OCA2: variants seen among roughly 807,000 people sequenced by gnomAD.
OCA2 encodes the protein OCA2 melanosomal transmembrane protein, also known as P protein.
In OCA2, 77 loss-of-function variants were observed where a neutral mutation model predicts 100.2. That is an observed-to-expected ratio of 0.77 (90% CI 0.64 to 0.93). The LOEUF is 0.93. Among genes scored for constraint, OCA2 ranks in the 40% least tolerant of loss-of-function variants. The pLI, the probability that OCA2 is intolerant of heterozygous loss-of-function variation, is 0.00. For missense variants in OCA2, 1,062 were observed against 1,089.1 expected, an observed-to-expected ratio of 0.98 and a Z score of 0.35; for synonymous variants, 432 against 439.2, an observed-to-expected ratio of 0.98 and a Z score of 0.21.
At chr15:28,058,499 C>T (rs117798038) in intron 2 of OCA2, among the ~76,000 whole-genome samples, 14,817 of 145,092 alleles carry the variant, frequency 0.1, 876 homozygotes, top group African/African-American at 0.19. Flanking sequence ...GCTCAGGCCC[C>T]ACCACCCACC....
At chr15:27,982,877 T>C (rs936855037) in intron 14 of OCA2, among the ~76,000 whole-genome samples, 1 of 152,324 alleles carries the variant, frequency 6.6e-6, no homozygotes, top group Middle Eastern at 3.4e-3. Context: ...ACAAAGAAAT[T>C]ATACCCTAAT....
chr15:27,964,360 A>G (rs941380730), intron 15 of OCA2, among the ~76,000 whole-genome samples: 1 of 152,210 alleles, frequency 6.6e-6, no homozygotes, highest in Non-Finnish European at 1.5e-5. Context: ...ACATTTGGTG[A>G]TCAGAGGGAT....
Position 27,972,859 on chromosome 15 carries a change from TTTTATTTTATTTTATTTTA to T in OCA2, c.1504-6056_1504-6038del, listed in dbSNP as rs1567177234. On this transcript the variant is annotated intron_variant, in intron 14 of 23. Transcript: ENST00000354638. ...TTTTATTTTATTTTATTTTATTTTA[TTTTATTTTATTTTATTTTA>T]TTTTTGTGACAGAGTCTCTCTTTCT... Among the ~76,000 whole-genome samples the T allele has an allele frequency of 1.2e-3, 164 of 131,412 alleles. 6 individuals are homozygous for T. Among genetic ancestry groups the T allele is most frequent in the South Asian group, 3.4e-3 (15 of 4,424 alleles). 86.2% of individuals were successfully genotyped at this position (131,412 alleles called of 152,430 possible). A position where few individuals can be genotyped will look rare whatever the true frequency, so the allele number is the denominator to read the frequency against.
chr15:27,772,536 T>C (rs766498827), intron 23 of OCA2, among the ~76,000 whole-genome samples: 12 of 152,192 alleles, frequency 7.9e-5, no homozygotes, highest in Non-Finnish European at 1.6e-4. Flanking sequence ...AAAAGGCCTA[T>C]TTTCCATAGA....
rs2030293039 is a variant in OCA2 at position 27,755,613 on chromosome 15, A to C, written c.2433-141T>G. 1.4e-5 allele frequency: 10 copies of C among 710,928 alleles called. No individual in the cohort carries two copies. In the South Asian group the frequency reaches 1.5e-4, roughly 11 times the overall value. 44.0% of individuals were successfully genotyped at this position (710,928 alleles called of 1,614,324 possible). ...CTACCTTTTATTTCCATAAATCAGG[A>C]AGTTAGTTTTAGACTAAATTATGTG... On this transcript the variant is annotated intron_variant, in intron 23 of 23. Coordinates refer to ENST00000354638, the MANE Select transcript of OCA2 (RefSeq NM_000275.3).
intron 23 of OCA2, among the ~76,000 whole-genome samples, chr15:27,767,033 G>T (rs549031028): frequency 6.6e-6 from 1 of 151,938 alleles, no homozygotes; most frequent in Admixed American, 6.5e-5. Flanking sequence ...CCCAAATACC[G>T]GCCTCTGGAG....
chr15:28,042,846 CTT>C (rs1273394524), intron 2 of OCA2, among the ~76,000 whole-genome samples: 7 of 151,970 alleles, frequency 4.6e-5, no homozygotes, highest in African/African-American at 1.7e-4. Context: ...AGTTTTTTCA[CTT>C]TCTCTCTCTG....
At chr15:27,724,080 A>G in the OCA2 span, among the ~76,000 whole-genome samples, 1 of 152,160 alleles carries the variant, frequency 6.6e-6, no homozygotes, top group Non-Finnish European at 1.5e-5. Flanking sequence ...TGCAGCTGGA[A>G]TCACAGGCAG....
chr15:27,823,820 C>T (rs1469710825), intron 23 of OCA2, among the ~76,000 whole-genome samples: 2 of 152,140 alleles, frequency 1.3e-5, no homozygotes. Context: ...GCAATGTTGA[C>T]TTATTTTCTA....
At chr15:27,990,702 C>A in intron 9 of OCA2, 55 bp from the exon 10 acceptor site, 1 of 1,489,232 alleles carries the variant, frequency 6.7e-7, no homozygotes, top group Non-Finnish European at 9.4e-7. Context: ...AGTTAGCACA[C>A]ACGAAAGCCT....
intron 19 of OCA2, among the ~76,000 whole-genome samples, chr15:27,885,856 G>A (rs1048311512): frequency 2.6e-5 from 4 of 152,280 alleles, no homozygotes; most frequent in Middle Eastern, 3.4e-3. Flanking sequence ...CTTATATTCT[G>A]GTGAAGGGAG....
intron 15 of OCA2, among the ~76,000 whole-genome samples, chr15:27,960,129 C>A (rs1196525439): frequency 6.6e-6 from 1 of 152,194 alleles, no homozygotes; most frequent in Non-Finnish European, 1.5e-5. Flanking sequence ...TAGCTAAACA[C>A]TTTATCTTCC....
intron 23 of OCA2, among the ~76,000 whole-genome samples, chr15:27,761,765 T>C (rs1255333887): frequency 6.6e-6 from 1 of 152,206 alleles, no homozygotes; most frequent in African/African-American, 2.4e-5. Context: ...GATGCAGATA[T>C]AGACACATGG....
At chr15:28,023,484 G>A (rs539631931) in intron 5 of OCA2, among the ~76,000 whole-genome samples, 4 of 152,214 alleles carry the variant, frequency 2.6e-5, no homozygotes, top group African/African-American at 7.2e-5. Context: ...CATGCCACGC[G>A]TGCAGGTCAC....
chr15:28,042,150 T>TATC (rs2043221550), intron 2 of OCA2, among the ~76,000 whole-genome samples: 2 of 152,082 alleles, frequency 1.3e-5, no homozygotes, highest in Admixed American at 1.3e-4. Flanking sequence ...AGAATGAACT[T>TATC]ATCAACTTGA....
chr15:28,087,066 C>T (rs939469178), intron 1 of OCA2, among the ~76,000 whole-genome samples: 4 of 152,080 alleles, frequency 2.6e-5, no homozygotes, highest in Non-Finnish European at 5.9e-5. Flanking sequence ...AAGACATAAA[C>T]CTACAGATTT....
At chr15:27,862,957 C>T (rs76172195) in intron 21 of OCA2, among the ~76,000 whole-genome samples, 2,398 of 152,242 alleles carry the variant, frequency 0.016, 56 homozygotes, top group African/African-American at 0.051. Context: ...GCTCCTTTTC[C>T]GCTGTGTGAC....
chr15:27,970,599 G>A (rs993939256), intron 14 of OCA2, among the ~76,000 whole-genome samples: 3 of 151,700 alleles, frequency 2.0e-5, no homozygotes, highest in Non-Finnish European at 4.4e-5. Flanking sequence ...AGCATGCACA[G>A]TATGGCAGGG....
intron 23 of OCA2, among the ~76,000 whole-genome samples, chr15:27,785,334 C>T (rs1294337139): frequency 6.6e-6 from 1 of 152,074 alleles, no homozygotes; most frequent in African/African-American, 2.4e-5. Flanking sequence ...ATGTTCATAG[C>T]AACACTATTT....
Sources: gnomAD v4.1 joint callset for allele counts (sites outside exome capture counted in the v4.1 genomes callset) on GRCh38, gnomAD v4.1.1 for gene constraint, MANE v1.5 for transcripts, NCBI Gene and HGNC (gene_info 2026-07-23, HGNC 2026-07-21) for gene names.